The following GSE1 variants were observed in gnomAD, a reference collection of about 807,000 sequenced individuals.
The protein encoded by GSE1 is Gse1 coiled-coil protein, also known as genetic suppressor element 1.
A neutral mutation model predicts 112.6 loss-of-function variants in GSE1; 32 were observed. The ratio of observed to expected loss-of-function variants is 0.28; its 90% CI spans 0.21 to 0.38. The LOEUF is 0.38. GSE1 is among the 10% of genes least tolerant of loss of function. GSE1 has a pLI of 1.00. For missense variants in GSE1, 2,348 were observed against 1,699.2 expected (o/e 1.38, Z -6.71); for synonymous variants, 1,115 against 735.6 (o/e 1.52, Z -8.35).
At chr16:85,622,753 G>C (rs2048820249) in intron 1 of GSE1, among the ~76,000 whole-genome samples, 1 of 152,224 alleles carries the variant, frequency 6.6e-6, no homozygotes. Context: ...CGCCAGAATT[G>C]TGGCCTTCAT....
chr16:85,452,282 ATTT>A (rs1447016236), intron 2 of GSE1, among the ~76,000 whole-genome samples: 1 of 151,956 alleles, frequency 6.6e-6, no homozygotes, highest in Non-Finnish European at 1.5e-5. Flanking sequence ...GCGGTTATTT[ATTT>A]ATTTACCCAA....
At chr16:85,574,044 C>T (rs963465873) in intron 1 of GSE1, among the ~76,000 whole-genome samples, 3 of 152,148 alleles carry the variant, frequency 2.0e-5, no homozygotes, top group Admixed American at 2.0e-4. Context: ...TGGGAGAGGC[C>T]CGCTCCCCAC....
chr16:85,351,727 T>C (rs76559368), intron 1 of GSE1, among the ~76,000 whole-genome samples: 2 of 152,202 alleles, frequency 1.3e-5, no homozygotes, highest in Non-Finnish European at 2.9e-5. Context: ...CAGTGGCTCA[T>C]GCCTATAATC....
chr16:85,285,046 G>A (rs2044977580), intron 1 of GSE1: 1 of 152,226 alleles, frequency 6.6e-6, no homozygotes, highest in Non-Finnish European at 1.5e-5. Context: ...GTGTGATGAA[G>A]AACGGCGATT....
chr16:85,557,098 C>A (rs1053976296), intron 1 of GSE1, among the ~76,000 whole-genome samples: 2 of 151,996 alleles, frequency 1.3e-5, no homozygotes, highest in Non-Finnish European at 2.9e-5. Context: ...ATTTGGATTT[C>A]TAAACCTTAA....
At chr16:85,258,206 C>T (rs1907285200) in intron 1 of GSE1, among the ~76,000 whole-genome samples, 1 of 152,180 alleles carries the variant, frequency 6.6e-6, no homozygotes, top group Admixed American at 6.5e-5. Context: ...GCTGAGAGTC[C>T]CCTGAAGCTC....
chr16:85,250,381 G>A (rs7201968), intron 1 of GSE1, among the ~76,000 whole-genome samples: 224 of 152,272 alleles, frequency 1.5e-3, no homozygotes, highest in Non-Finnish European at 2.4e-3. Flanking sequence ...AGCAGCTTGT[G>A]GGGCGTCTGC....
chr16:85,431,002 G>A (rs1245594589), intron 2 of GSE1, among the ~76,000 whole-genome samples: 5 of 152,224 alleles, frequency 3.3e-5, no homozygotes, highest in Admixed American at 2.0e-4. Context: ...CCGCCGCAAG[G>A]CCCTGGGCTG....
At chr16:85,240,029 G>A (rs575807973) in intron 1 of GSE1, among the ~76,000 whole-genome samples, 71 of 152,364 alleles carry the variant, frequency 4.7e-4, no homozygotes, top group African/African-American at 1.7e-3. Flanking sequence ...TGGCTCAAGG[G>A]CCTAGAGTGA....
intron 1 of GSE1, among the ~76,000 whole-genome samples, chr16:85,241,693 C>A (rs568277275): frequency 1.7e-3 from 259 of 152,234 alleles, no homozygotes; most frequent in African/African-American, 5.9e-3. Context: ...TGAAACCCTG[C>A]GCTTTATGTA....
intron 1 of GSE1, among the ~76,000 whole-genome samples, chr16:85,351,872 C>T (rs2046857383): frequency 1.3e-5 from 2 of 152,088 alleles, no homozygotes; most frequent in South Asian, 4.1e-4. Context: ...CACCTGTAGT[C>T]CCAGCTACTT....
At chr16:85,376,868 A>AG (rs2047432162) in intron 2 of GSE1, among the ~76,000 whole-genome samples, 1 of 152,184 alleles carries the variant, frequency 6.6e-6, no homozygotes, top group Non-Finnish European at 1.5e-5. Flanking sequence ...GTGGTGCCAT[A>AG]GGCCTCTCTG....
chr16:85,481,117 G>A (rs568319163), intron 2 of GSE1, among the ~76,000 whole-genome samples: 8 of 151,014 alleles, frequency 5.3e-5, no homozygotes, highest in South Asian at 2.2e-4. Flanking sequence ...GGACAGCCAC[G>A]CCTCGCTTCT....
At chr16:85,186,788 C>G (rs1419899130) in intron 1 of GSE1, among the ~76,000 whole-genome samples, 2 of 152,128 alleles carry the variant, frequency 1.3e-5, no homozygotes, top group African/African-American at 2.4e-5. Context: ...ACAAAAAAAT[C>G]TAAACAGTCT....
chr16:85,247,703 G>T (rs926133145), intron 1 of GSE1, among the ~76,000 whole-genome samples: 2 of 152,222 alleles, frequency 1.3e-5, no homozygotes, highest in Non-Finnish European at 2.9e-5. Flanking sequence ...CACAGCCCCT[G>T]CCTCTCATCT....
In GSE1 at chr16:85,666,097, G is replaced by C; in HGVS notation, c.2880G>C (p.Leu960=). 2.5e-6 allele frequency: 4 copies of C among 1,613,216 alleles called. No individual in the cohort carries two copies. The highest frequency in any genetic ancestry group is 1.6e-4 in the Middle Eastern group (1 of 6,062). ...TGGAACAGGTCCGGCCCCAGGAGCT[G>C]TCGAGAGTCCAGGAGCTAGCTCCTG... The part of the protein sequence containing the change: ...GKLEQVRPQE[L]SRVQELAPAS... Residue 960 remains leucine (L), a synonymous_variant, in exon 13 of 16, where the codon CTG becomes CTC. Transcript: ENST00000253458.
chr16:85,188,457 G>A (rs2074754569), intron 1 of GSE1, among the ~76,000 whole-genome samples: 1 of 152,042 alleles, frequency 6.6e-6, no homozygotes. Flanking sequence ...AAAAACACAG[G>A]GACCTAGACC....
intron 1 of GSE1, among the ~76,000 whole-genome samples, chr16:85,209,387 G>T (rs924297782): frequency 6.6e-6 from 1 of 152,070 alleles, no homozygotes; most frequent in Admixed American, 6.5e-5. Context: ...CCTGGCTCCC[G>T]TGCCCCCGCC....
intron 1 of GSE1, among the ~76,000 whole-genome samples, chr16:85,272,947 T>C (rs974543997): frequency 4.6e-5 from 7 of 152,176 alleles, no homozygotes; most frequent in African/African-American, 9.7e-5. Flanking sequence ...CGGCTAACTT[T>C]GTATTTTTAG....
Sources: allele counts gnomAD v4.1 joint callset (sites outside exome capture counted in the v4.1 genomes callset), GRCh38; gene constraint gnomAD v4.1.1; transcripts MANE v1.5; gene names NCBI Gene and HGNC (gene_info 2026-07-23, HGNC 2026-07-21).